RNF213: variants seen among roughly 807,000 people sequenced by gnomAD.
RNF213 encodes the protein ring finger protein 213.
RNF213 carries 341 observed loss-of-function variants against 514.4 expected under a neutral mutation model. The observed-to-expected ratio is 0.66, with a 90% CI of 0.61 to 0.73. The LOEUF (loss-of-function observed/expected upper bound fraction) is 0.73, where lower values mean the gene tolerates loss of function less well. Among genes scored for constraint, RNF213 ranks in the 30% least tolerant of loss-of-function variants. The probability of loss-of-function intolerance (pLI) is 0.00; values close to 1 mark genes in which losing one functional copy is unlikely to be tolerated. For missense variants in RNF213, 5,767 were observed against 6,615.6 expected, an observed-to-expected ratio of 0.87 and a Z score of 4.45; for synonymous variants, 2,655 against 2,658.2, an observed-to-expected ratio of 1.00 and a Z score of 0.04.
intron 13 of RNF213, among the ~76,000 whole-genome samples, chr17:80,308,756 T>C (rs79606551): frequency 0.016 from 2,497 of 152,330 alleles, 72 homozygotes; most frequent in African/African-American, 0.054. Context: ...TTTTCACATC[T>C]TGGAACGCAC....
chr17:80,284,380 A>C (rs200390819), intron 3 of RNF213, among the ~76,000 whole-genome samples: 2 of 151,584 alleles, frequency 1.3e-5, no homozygotes, highest in East Asian at 2.0e-4. Context: ...AAACAAAAAC[A>C]AAAACAAAAC....
chr17:80,345,266 G>A lies in RNF213; in HGVS notation c.6931G>A (p.Asp2311Asn), dbSNP rs770544917. 1.9e-5 allele frequency: 30 copies of A among 1,613,868 alleles called. No individual in the cohort carries two copies. The highest frequency in any genetic ancestry group is 2.2e-5 in the South Asian group (2 of 91,062). The change falls in exon 29 of 68, where the codon GAC (aspartate) becomes AAC (asparagine). Residue 2311 changes from aspartate to asparagine, a missense_variant. This residue lies in a region of RNF213 where 1,377 missense variants were observed against 1,635.2 expected (regional missense o/e 0.84). Coordinates refer to ENST00000582970, the MANE Select transcript of RNF213 (RefSeq NM_001256071.3). This position sits in a 1 kb window ranked among gnomAD's most constrained non-coding sequence, Gnocchi z 6.0. ...TCACCCATACGTTTTCTTCAATGAC[G>A]ACCACACAACCATGACATTCATCGG... ...EPHPYVFFND[D>N]HTTMTFIGFH...
Position 80,353,391 on chromosome 17 carries a change from A to C in RNF213, c.10424-121A>C. ...ATCTCTCATCTGGGGACCTAGCACC[A>C]CAGCAGGGGCCGGGGAAGCCTGCAC... On this transcript the variant is annotated intron_variant, in intron 33 of 67. Coordinates refer to ENST00000582970, the MANE Select transcript of RNF213 (RefSeq NM_001256071.3). This position sits in a 1 kb window ranked among gnomAD's most constrained non-coding sequence, Gnocchi z 5.0. The C allele has an allele frequency of 8.6e-7, 1 of 1,169,546 alleles. No individual in the cohort carries two copies. Among genetic ancestry groups the C allele is most frequent in the Non-Finnish European group, 1.2e-6 (1 of 805,030 alleles). 72.4% of individuals were successfully genotyped at this position (1,169,546 alleles called of 1,614,324 possible).
At chr17:80,276,782 G>A (rs1484546410) in intron 3 of RNF213, among the ~76,000 whole-genome samples, 1 of 152,192 alleles carries the variant, frequency 6.6e-6, no homozygotes, top group East Asian at 1.9e-4. Flanking sequence ...GCCGGGCGCG[G>A]TGGCTCACAC....
intron 38 of RNF213, among the ~76,000 whole-genome samples, chr17:80,361,123 T>C (rs1436903424): frequency 6.6e-6 from 1 of 152,234 alleles, no homozygotes; most frequent in Admixed American, 6.5e-5. Flanking sequence ...ACATACAATG[T>C]AGCCATGCAA....
intron 59 of RNF213, 135 bp downstream of exon 59, chr17:80,384,063 G>A (rs1343619770): frequency 1.8e-6 from 2 of 1,092,998 alleles, no homozygotes; most frequent in African/African-American, 3.1e-5. Flanking sequence ...ATAGGATGTA[G>A]CAGAAGACTC....
rs191388106 is a variant in RNF213 at position 80,373,048 on chromosome 17, C to T, written c.12825C>T (p.His4275=). The change falls in exon 49 of 68, where the codon CAC becomes CAT. Residue 4275 remains histidine (H), a synonymous_variant. Transcript: ENST00000582970. ...GTATCCGGGTGGAGAACGACTGGCA[C>T]CGGGTGTACCTGGTGCGGAAGCTCA... ...QFCIRVENDW[H]RVYLVRKLSS... The T allele has an allele frequency of 4.0e-4, 645 of 1,614,050 alleles. 6 individuals carry two copies. In the East Asian group the frequency reaches 0.013, roughly 32 times the overall value.
intron 61 of RNF213, 22 bp downstream of exon 61, chr17:80,385,643 C>T: frequency 6.2e-7 from 1 of 1,601,774 alleles, no homozygotes; most frequent in South Asian, 1.1e-5. Context: ...GTCCCCTGTA[C>T]CACTAAGCGT....
At chr17:80,273,545 C>G in intron 3 of RNF213, 141 bp downstream of exon 3, 2 of 1,074,850 alleles carry the variant, frequency 1.9e-6, no homozygotes, top group Non-Finnish European at 2.7e-6. Flanking sequence ...AGCAGAGCTG[C>G]CCCTTCTGCA....
intron 51 of RNF213, 65 bp from the exon 52 acceptor site, chr17:80,376,236 A>T: frequency 6.4e-7 from 1 of 1,568,794 alleles, no homozygotes; most frequent in Non-Finnish European, 8.8e-7. Context: ...GTGTCAGTGT[A>T]TGTCTAAGAG....
At chr17:80,295,942 C>T in intron 10 of RNF213, 129 bp downstream of exon 10, 2 of 989,668 alleles carry the variant, frequency 2.0e-6, no homozygotes, top group Non-Finnish European at 3.1e-6. Context: ...GTGATTTTAC[C>T]ACTCACTGTG....
At chr17:80,371,767 T>TACAC (rs111992928) in intron 46 of RNF213, 107 bp from the exon 47 acceptor site, 137 of 668,310 alleles carry the variant, frequency 2.0e-4, no homozygotes, top group East Asian at 1.3e-3. Flanking sequence ...TATATGTTTA[T>TACAC]ACACACACAC....
At position 80,353,161 on chromosome 17, in the gene RNF213, T is replaced by C. The variant is rs778870368; in HGVS notation, c.10423+102T>C. ...TGGCACTAGGAGCAGGGCCACCGTG[T>C]TTCGTCCCTCGGCAGGAGCTCGGGG... is the stretch of plus-strand genomic sequence containing the variant. On this transcript the variant is annotated intron_variant, in intron 33 of 67. Coordinates refer to ENST00000582970, the MANE Select transcript of RNF213 (RefSeq NM_001256071.3). This position sits in a 1 kb window ranked among gnomAD's most constrained non-coding sequence, Gnocchi z 5.0. 3.3e-6 allele frequency: 5 copies of C among 1,522,164 alleles called. No homozygotes were observed. The highest frequency in any genetic ancestry group is 3.4e-4 in the Middle Eastern group (2 of 5,900). 94.3% of individuals were successfully genotyped at this position (1,522,164 alleles called of 1,614,324 possible).
chr17:80,278,879 C>T, intron 3 of RNF213: 9 of 1,537,210 alleles, frequency 5.9e-6, no homozygotes, highest in Non-Finnish European at 7.0e-6. Flanking sequence ...CCGCTTGAGG[C>T]CGCCAGCGTG....
At chr17:80,277,857 A>G (rs1236795022) in intron 3 of RNF213, among the ~76,000 whole-genome samples, 2 of 152,206 alleles carry the variant, frequency 1.3e-5, no homozygotes, top group African/African-American at 2.4e-5. Context: ...CGGCCCCAGA[A>G]GCTGAGACAG....
At position 80,288,438 on chromosome 17, in the gene RNF213, C is replaced by T. The variant is rs369647453; in HGVS notation, c.810+75C>T. The T allele has an allele frequency of 1.1e-4, 181 of 1,598,662 alleles. No individual in the cohort carries two copies. The East Asian group carries it at 2.5e-3, about 22-fold the overall frequency. ...CCTGGGCTCTGCTGCAAGGTGCTGGCGTTGCTTCCCTGCCGGGGGGAGGGG... is the reference window on the plus strand; with the variant it reads ...CCTGGGCTCTGCTGCAAGGTGCTGGTGTTGCTTCCCTGCCGGGGGGAGGGG... On this transcript the variant is annotated intron_variant, in intron 4 of 67. Coordinates refer to ENST00000582970, the MANE Select transcript of RNF213 (RefSeq NM_001256071.3). This position sits in a 1 kb window ranked among gnomAD's most constrained non-coding sequence, Gnocchi z 4.9.
rs771020198 is a variant in RNF213, at chr17:80,397,697, A to T, written c.*4199A>T. ...CTCGGGGAGCTCAGTTGTTGGAGAC[A>T]TGAGTCTTGCCGAAGCGCCCGGCTG... On this transcript the variant is annotated 3_prime_UTR_variant, in exon 68 of 68. Transcript: ENST00000582970. 3 of 151,848 alleles carry T rather than the reference A, an allele frequency of 2.0e-5. No individual in the cohort carries two copies. The highest frequency in any genetic ancestry group is 2.1e-4 in the South Asian group (1 of 4,788). The allele number at this position is 151,848 out of a possible 1,614,324, so 9.4% of individuals were successfully genotyped here.
In RNF213 at chr17:80,336,269, C is replaced by T. The variant is rs2144025156; in HGVS notation, c.4418C>T (p.Ala1473Val). Residue 1473 changes from alanine to valine, a missense_variant, in exon 23 of 68, where the codon GCA (alanine) becomes GTA (valine). By Grantham distance (64) the Ala-to-Val change is moderately conservative. Around this residue, in one of 13 missense-constraint regions of RNF213, gnomAD observed 1,377 missense variants for 1,635.2 expected, o/e 0.84. Transcript: ENST00000582970. The part of the protein sequence containing the change: ...ACFHDAVQGY[A>V]SLLFKLDPSV... ...TTCCATGACGCTGTGCAGGGCTACGCATCCCTGCTATTTAAGCTGGACCCC... is the reference window on the plus strand; with the variant it reads ...TTCCATGACGCTGTGCAGGGCTACGTATCCCTGCTATTTAAGCTGGACCCC... 3.3e-6 allele frequency: 5 copies of T among 1,537,218 alleles called. No individual in the cohort carries two copies. In the South Asian group the frequency reaches 5.9e-5, roughly 18 times the overall value.
rs1157257683 is a variant in RNF213, at chr17:80,343,588, G to A, written c.6183+263G>A. Among the ~76,000 whole-genome samples the A allele has an allele frequency of 1.3e-5, 2 of 152,172 alleles. No individual in the cohort carries two copies. Among genetic ancestry groups the A allele is most frequent in the African/African-American group, 2.4e-5 (1 of 41,432 alleles). ...TGGTACACACTGTCGCTCCTAGGCC[G>A]CAAACCTGTGCTGCATATGGCTGTT... is the stretch of plus-strand genomic sequence containing the variant. On this transcript the variant is annotated intron_variant, in intron 27 of 67. Coordinates refer to ENST00000582970, the MANE Select transcript of RNF213 (RefSeq NM_001256071.3). The surrounding 1 kb of genome is among the most constrained non-coding windows in gnomAD (Gnocchi z 4.3).
Sources: allele counts gnomAD v4.1 joint callset (sites outside exome capture counted in the v4.1 genomes callset), GRCh38; gene constraint gnomAD v4.1.1; regional missense constraint gnomAD v4.1.1; non-coding constraint Gnocchi (gnomAD v3.1); transcripts MANE v1.5; gene names NCBI Gene and HGNC (gene_info 2026-07-23, HGNC 2026-07-21).